Variants in ADAMTS12 observed in about 807,000 individuals in gnomAD.
ADAMTS12 encodes the protein ADAM metallopeptidase with thrombospondin type 1 motif 12, also known as A disintegrin and metalloproteinase with thrombospondin motifs 12.
ADAMTS12 carries 118 observed loss-of-function variants against 167.8 expected under a neutral mutation model. The ratio of observed to expected loss-of-function variants is 0.70; its 90% CI spans 0.61 to 0.82. The LOEUF is 0.82. Among genes scored for constraint, ADAMTS12 ranks in the 40% least tolerant of loss-of-function variants. The probability of loss-of-function intolerance (pLI) is 0.00; values close to 1 mark genes in which losing one functional copy is unlikely to be tolerated. For missense variants in ADAMTS12, 1,916 were observed against 1,998.8 expected, an observed-to-expected ratio of 0.96 and a Z score of 0.79; for synonymous variants, 704 against 716.9, an observed-to-expected ratio of 0.98 and a Z score of 0.29.
At chr5:33,784,755 T>C (rs1162304749) in intron 2 of ADAMTS12, among the ~76,000 whole-genome samples, 1 of 152,062 alleles carries the variant, frequency 6.6e-6, no homozygotes, top group Non-Finnish European at 1.5e-5. Flanking sequence ...TCTGGGAAAT[T>C]CTCAAATTGA....
chr5:33,860,456 T>C (rs1283754705), intron 2 of ADAMTS12, among the ~76,000 whole-genome samples: 1 of 151,646 alleles, frequency 6.6e-6, no homozygotes, highest in Non-Finnish European at 1.5e-5. Context: ...GAAGACAAGA[T>C]GAGAGAAAAA....
chr5:33,748,952 G>C (rs1365275773), intron 3 of ADAMTS12, among the ~76,000 whole-genome samples: 2 of 152,130 alleles, frequency 1.3e-5, no homozygotes, highest in African/African-American at 2.4e-5. Flanking sequence ...GCAATTCTTG[G>C]ATCTCTAGCT....
At chr5:33,829,917 C>G (rs1464498268) in intron 2 of ADAMTS12, among the ~76,000 whole-genome samples, 2 of 152,206 alleles carry the variant, frequency 1.3e-5, no homozygotes, top group South Asian at 2.1e-4. Context: ...CAGTGACATT[C>G]AGAGAGCCCT....
intron 2 of ADAMTS12, among the ~76,000 whole-genome samples, chr5:33,819,900 C>T (rs557282783): frequency 3.9e-5 from 6 of 152,148 alleles, no homozygotes; most frequent in African/African-American, 1.4e-4. Flanking sequence ...TTGGCCATCT[C>T]GGAAGGGAAA....
chr5:33,669,024 C>G (rs1487491006), intron 5 of ADAMTS12, among the ~76,000 whole-genome samples: 1 of 152,080 alleles, frequency 6.6e-6, no homozygotes, highest in African/African-American at 2.4e-5. Flanking sequence ...ATGAAACATG[C>G]ATTTTAATAA....
At chr5:33,740,348 A>G (rs544113287) in intron 3 of ADAMTS12, among the ~76,000 whole-genome samples, 1 of 152,328 alleles carries the variant, frequency 6.6e-6, no homozygotes, top group Non-Finnish European at 1.5e-5. Context: ...AGCAACTCTA[A>G]TCCCGGGGCC....
At chr5:33,866,900 AC>A (rs1239316023) in intron 2 of ADAMTS12, among the ~76,000 whole-genome samples, 2 of 152,130 alleles carry the variant, frequency 1.3e-5, no homozygotes, top group Non-Finnish European at 2.9e-5. Flanking sequence ...ATACTATTTT[AC>A]CCCTGCAAAA....
intron 16 of ADAMTS12, among the ~76,000 whole-genome samples, chr5:33,606,086 T>A (rs1387387595): frequency 6.6e-6 from 1 of 152,198 alleles, no homozygotes. Context: ...TAGCTGGGAC[T>A]ACAGGCACAC....
intron 18 of ADAMTS12, 95 bp from the exon 19 acceptor site, chr5:33,577,255 T>C (rs544451042): frequency 1.3e-6 from 2 of 1,547,962 alleles, no homozygotes; most frequent in Non-Finnish European, 1.8e-6. Flanking sequence ...TGATGGAAAC[T>C]AAACTATGCA....
In ADAMTS12 at chr5:33,733,795, C is replaced by A. The variant is rs139658461; in HGVS notation, c.634+17609G>T. ...ACTCATCAGCGAGACACGGGGGCTGCCAGCTCTGATAACAGAGATCAGTAC... is the reference window on the plus strand; with the variant it reads ...ACTCATCAGCGAGACACGGGGGCTGACAGCTCTGATAACAGAGATCAGTAC... On this transcript the variant is annotated intron_variant, in intron 3 of 23. Transcript: ENST00000504830. 1.5e-3 allele frequency among the ~76,000 whole-genome samples: 231 copies of A among 152,208 alleles called. 1 individual carries two copies. The highest frequency in any genetic ancestry group is 5.4e-3 in the African/African-American group (223 of 41,528).
intron 1 of ADAMTS12, chr5:33,891,518 C>G: frequency 1.6e-6 from 1 of 631,848 alleles, no homozygotes; most frequent in Non-Finnish European, 2.7e-6. Flanking sequence ...GAGGTACTCA[C>G]CTTTCTATAA....
chr5:33,840,819 C>A (rs1748722155), intron 2 of ADAMTS12, among the ~76,000 whole-genome samples: 1 of 152,232 alleles, frequency 6.6e-6, no homozygotes, highest in Admixed American at 6.5e-5. Flanking sequence ...CAGCCTCTGA[C>A]ACCTTTGGTT....
intron 16 of ADAMTS12, among the ~76,000 whole-genome samples, chr5:33,602,870 CA>C (rs1738256286): frequency 6.6e-6 from 1 of 152,160 alleles, no homozygotes; most frequent in African/African-American, 2.4e-5. Flanking sequence ...CAGTTTAGAA[CA>C]GTCAAACAAT....
chr5:33,805,217 A>G (rs906067600), intron 2 of ADAMTS12, among the ~76,000 whole-genome samples: 1 of 152,208 alleles, frequency 6.6e-6, no homozygotes, highest in Admixed American at 6.5e-5. Context: ...GAGGCTCCCC[A>G]AATACTTCCA....
At chr5:33,891,125 T>G (rs547874631) in intron 1 of ADAMTS12, among the ~76,000 whole-genome samples, 2 of 151,984 alleles carry the variant, frequency 1.3e-5, no homozygotes, top group African/African-American at 4.8e-5. Context: ...GTTCAGAAAT[T>G]CATAAAGAGA....
intron 2 of ADAMTS12, among the ~76,000 whole-genome samples, chr5:33,824,538 T>C (rs896130352): frequency 6.6e-6 from 1 of 152,160 alleles, no homozygotes; most frequent in African/African-American, 2.4e-5. Context: ...AAAGAATAGA[T>C]TCCTCCACTC....
chr5:33,764,620 G>A (rs567866170), intron 2 of ADAMTS12, among the ~76,000 whole-genome samples: 42 of 152,224 alleles, frequency 2.8e-4, no homozygotes, highest in African/African-American at 8.4e-4. Flanking sequence ...AATTAAATTC[G>A]TCGGGGAAGA....
rs578239247 is a variant in ADAMTS12, at chr5:33,583,296, A to T, written c.2865+5303T>A. ...CACTTCACATAATGATCTCCAGTTT[A>T]TCCACGTTGTTGCAAATGACTGAAT... On this transcript the variant is annotated intron_variant, in intron 18 of 23. Transcript: ENST00000504830. Among the ~76,000 whole-genome samples, 3 of 152,242 alleles carry T rather than the reference A, an allele frequency of 2.0e-5. No individual in the cohort carries two copies. In the South Asian group the frequency reaches 6.2e-4, roughly 32 times the overall value.
chr5:33,524,121 A>G lies in ADAMTS12; in HGVS notation c.*3067T>C, dbSNP rs1349606951. ...GACTATCTGAAAGCATCACAGTGGG[A>G]TGTCAGCGGAGACGTGGCTGTCTCA... On this transcript the variant is annotated 3_prime_UTR_variant, in exon 24 of 24. Transcript: ENST00000504830. 3.3e-5 allele frequency: 5 copies of G among 152,378 alleles called. No individual in the cohort carries two copies. The highest frequency in any genetic ancestry group is 1.5e-5 in the Non-Finnish European group (1 of 68,038). The allele number at this position is 152,378 out of a possible 1,614,324, so 9.4% of individuals were successfully genotyped here.
Sources: gnomAD v4.1 joint callset for allele counts (sites outside exome capture counted in the v4.1 genomes callset) on GRCh38, gnomAD v4.1.1 for gene constraint, MANE v1.5 for transcripts, NCBI Gene and HGNC (gene_info 2026-07-23, HGNC 2026-07-21) for gene names.